RCOR2: variants seen among roughly 807,000 people sequenced by gnomAD.
RCOR2 encodes the protein REST corepressor 2.
In RCOR2, 19 loss-of-function variants were observed where a neutral mutation model predicts 58.9. The observed-to-expected ratio is 0.32, with a 90% confidence interval of 0.23 to 0.47. RCOR2 has a LOEUF of 0.47. Ranked by LOEUF, RCOR2 falls within the 20% of genes least tolerant of loss-of-function variation. The pLI, the probability that RCOR2 is intolerant of heterozygous loss-of-function variation, is 1.00. For missense variants in RCOR2, 590 were observed against 707.9 expected (o/e 0.83, Z 1.89); for synonymous variants, 286 against 278.7 (o/e 1.03, Z -0.26).
chr11:63,926,862 C>A, the RCOR2 span, among the ~76,000 whole-genome samples: 2 of 149,030 alleles, frequency 1.3e-5, no homozygotes, highest in African/African-American at 4.9e-5. Flanking sequence ...CACTCTGTTG[C>A]CCAGGCTGGA....
chr11:63,924,613 C>A, the RCOR2 span, among the ~76,000 whole-genome samples: 1 of 152,194 alleles, frequency 6.6e-6, no homozygotes, highest in African/African-American at 2.4e-5. Flanking sequence ...CCCACTGCCC[C>A]TCCTGGCCTT....
At chr11:63,917,499 T>C (rs909180528), upstream of RCOR2, among the ~76,000 whole-genome samples, 1 of 151,932 alleles carries the variant, frequency 6.6e-6, no homozygotes, top group African/African-American at 2.4e-5. Flanking sequence ...CCGGGGGCCC[T>C]GGGGCCGCCT....
In RCOR2 at chr11:63,916,799, T is replaced by G; in HGVS notation, c.-343A>C. ...GGGGCCCCCTGTCCTCGGGGCGCCC[T>G]GGAACCCCACCGCCCACCTGCCCAC... On this transcript the variant is annotated 5_prime_UTR_variant, in exon 1 of 12. Coordinates refer to ENST00000301459, the MANE Select transcript of RCOR2 (RefSeq NM_173587.4). The G allele has an allele frequency of 4.2e-6, 1 of 239,692 alleles. No homozygotes were observed. The highest frequency in any genetic ancestry group is 8.1e-6 in the Non-Finnish European group (1 of 123,046). The allele number at this position is 239,692 out of a possible 1,614,324, so 14.8% of individuals were successfully genotyped here. A position where few individuals can be genotyped will look rare whatever the true frequency, so the allele number is the denominator to read the frequency against.
rs762492235 is a variant in RCOR2 at position 63,914,436 on chromosome 11, G to A, written c.586C>T (p.Arg196Cys). The change falls in exon 6 of 12, where the codon CGC (arginine) becomes TGC (cysteine). Residue 196 changes from arginine to cysteine, a missense_variant. Arg to Cys is a radical substitution (Grantham distance 180). Coordinates refer to ENST00000301459, the MANE Select transcript of RCOR2 (RefSeq NM_173587.4). ...MDRQARRLGG[R>C]KDKEDSDELE... ...CCCCACCTGTCTTCTTTGTCCTTGC[G>A]GCCCCCCAGCCGCCGGGCCTGTCTG... is the stretch of plus-strand genomic sequence containing the variant. 12 of 1,613,364 alleles carry A rather than the reference G, an allele frequency of 7.4e-6. No homozygotes were observed. Among genetic ancestry groups the A allele is most frequent in the Middle Eastern group, 1.6e-4 (1 of 6,084 alleles).
At chr11:63,915,513 C>A (rs780830654) in intron 2 of RCOR2, 42 bp downstream of exon 2, 5 of 1,541,152 alleles carry the variant, frequency 3.2e-6, no homozygotes, top group Non-Finnish European at 4.4e-6. Flanking sequence ...AAGCCCCGGG[C>A]CTCCACCCCC....
the RCOR2 span, among the ~76,000 whole-genome samples, chr11:63,926,353 G>A: frequency 1.3e-5 from 2 of 152,136 alleles, no homozygotes; most frequent in African/African-American, 4.8e-5. Flanking sequence ...CCCACTTAAC[G>A]ATATGCCTTA....
chr11:63,915,567 C>A lies in RCOR2; in HGVS notation c.172G>T (p.Glu58Ter). 1 of 1,555,384 alleles carries A rather than the reference C, an allele frequency of 6.4e-7. No individual in the cohort carries two copies. The highest frequency in any genetic ancestry group is 2.4e-5 in the East Asian group (1 of 42,510). Residue 58 changes from glutamate to a stop codon, truncating the protein, a stop_gained, in exon 2 of 12, where the codon GAG (glutamate) becomes TAG (stop). Transcript: ENST00000301459. LOFTEE classifies it high-confidence loss of function. ...TCCTGCGGCTCACCAGGCTTGCACT[C>A]CGGAATTACGGCCTGGTAATTGGTT... ...VGTNYQAVIPECKPESPARYS... is the reference protein window; with the variant it reads ...VGTNYQAVIP
chr11:63,923,219 A>G, the RCOR2 span, among the ~76,000 whole-genome samples: 392 of 151,166 alleles, frequency 2.6e-3, 6 homozygotes, highest in Middle Eastern at 3.4e-3. Flanking sequence ...GAGCACCTTG[A>G]TTTTCATTTT....
In RCOR2 at chr11:63,912,137, G is replaced by C; in HGVS notation, c.1300C>G (p.Pro434Ala). 6.6e-7 allele frequency: 1 copy of C among 1,518,670 alleles called. No individual in the cohort carries two copies. Among genetic ancestry groups the C allele is most frequent in the African/African-American group, 1.4e-5 (1 of 71,448 alleles). 94.1% of individuals were successfully genotyped at this position (1,518,670 alleles called of 1,614,324 possible). ...GGTGGAGGGGGTGGTGGCGCAGGGG[G>C]CACTGATCGGGGCACGGACGTGGAG... ...SVSTSVPRSVPPAPPPPPPPT... is the reference protein window; with the variant it reads ...SVSTSVPRSVAPAPPPPPPPT... The change falls in exon 12 of 12, where the codon CCC becomes GCC. Residue 434 changes from proline to alanine, a missense_variant. Pro to Ala is a conservative substitution (Grantham distance 27). Around this residue, in one of 3 missense-constraint regions of RCOR2, gnomAD observed 196 missense variants for 210.7 expected, o/e 0.93. Transcript: ENST00000301459.
chr11:63,915,599 C>T lies in RCOR2; in HGVS notation c.140G>A (p.Arg47His), dbSNP rs767780951. Residue 47 changes from arginine to histidine, a missense_variant, in exon 2 of 12, where the codon CGC becomes CAC. Physicochemically the swap from Arg to His is conservative, Grantham distance 29. Transcript: ENST00000301459. ...EEEHSHDSMI[R>H]VGTNYQAVIP... ...TACGGCCTGGTAATTGGTTCCAACG[C>T]GGATCATGCTGTCTGTGGAGCCAGG... 2.2e-6 allele frequency: 3 copies of T among 1,335,456 alleles called. No homozygotes were observed. Among genetic ancestry groups the T allele is most frequent in the East Asian group, 4.1e-5 (1 of 24,288 alleles). The allele number at this position is 1,335,456 out of a possible 1,614,324, so 82.7% of individuals were successfully genotyped here.
the RCOR2 span, among the ~76,000 whole-genome samples, chr11:63,922,828 C>T: frequency 6.6e-6 from 1 of 152,144 alleles, no homozygotes; most frequent in Non-Finnish European, 1.5e-5. Context: ...ACCTGGTGGC[C>T]CAGGATGCTC....
At chr11:63,913,080 G>A in intron 8 of RCOR2, 133 bp from the exon 9 acceptor site, 3 of 724,308 alleles carry the variant, frequency 4.1e-6, no homozygotes, top group South Asian at 3.9e-5. Flanking sequence ...CCACCATCTG[G>A]CTTGTTCCTC....
At chr11:63,915,296 C>A in intron 2 of RCOR2, 38 bp from the exon 3 acceptor site, 1 of 1,531,274 alleles carries the variant, frequency 6.5e-7, no homozygotes, top group South Asian at 1.2e-5. Context: ...ACACTCAGAT[C>A]AGCCTGGTGG....
intron 8 of RCOR2, among the ~76,000 whole-genome samples, 170 bp from the exon 9 acceptor site, chr11:63,913,117 G>A (rs1402104880): frequency 4.7e-5 from 7 of 149,714 alleles, no homozygotes; most frequent in Non-Finnish European, 7.4e-5. Context: ...TAGGGGAGCC[G>A]CTGGGGTTCT....
At chr11:63,921,920 G>A (rs1332616044), upstream of RCOR2, among the ~76,000 whole-genome samples, 1 of 152,248 alleles carries the variant, frequency 6.6e-6, no homozygotes, top group Admixed American at 6.5e-5. Flanking sequence ...AAGTCCATGT[G>A]TTGGAAACTT....
intron 8 of RCOR2, 98 bp downstream of exon 8, chr11:63,913,848 GCTCGGCCC>G (rs1256257485): frequency 9.5e-7 from 1 of 1,050,966 alleles, no homozygotes; most frequent in Non-Finnish European, 1.5e-6. Context: ...AGAGGATGGG[GCTCGGCCC>G]CTGAACCATC....
intron 6 of RCOR2, 35 bp from the exon 7 acceptor site, chr11:63,914,365 G>C (rs1439856891): frequency 6.2e-7 from 1 of 1,613,236 alleles, no homozygotes; most frequent in Non-Finnish European, 8.5e-7. Context: ...GAATGAGGCA[G>C]CTGCCAGGAG....
At chr11:63,913,861 A>G in intron 8 of RCOR2, 93 bp downstream of exon 8, 1 of 1,184,984 alleles carries the variant, frequency 8.4e-7, no homozygotes, top group East Asian at 2.3e-5. Context: ...CGGCCCCTGA[A>G]CCATCTCGCT....
chr11:63,917,462 A>C (rs1355169249), upstream of RCOR2, among the ~76,000 whole-genome samples: 4 of 152,102 alleles, frequency 2.6e-5, no homozygotes, highest in African/African-American at 9.6e-5. Flanking sequence ...ACCACACACC[A>C]GTGGGCTCGG....
Sources: allele counts gnomAD v4.1 joint callset (sites outside exome capture counted in the v4.1 genomes callset), GRCh38; gene constraint gnomAD v4.1.1; regional missense constraint gnomAD v4.1.1; transcripts MANE v1.5; gene names NCBI Gene and HGNC (gene_info 2026-07-23, HGNC 2026-07-21).